CTNNA3: variants seen among roughly 807,000 people sequenced by gnomAD.
CTNNA3 encodes the protein catenin alpha-3.
Under a neutral mutation model 95.7 loss-of-function variants are expected in CTNNA3, and 76 were observed. That is an observed-to-expected ratio of 0.79 (90% confidence interval 0.66 to 0.96). The LOEUF (loss-of-function observed/expected upper bound fraction) is 0.96. CTNNA3 is among the 40% of genes least tolerant of loss of function. CTNNA3 has a pLI of 0.00. For missense variants in CTNNA3, 1,191 were observed against 1,089.8 expected (o/e 1.09, Z -1.31); for synonymous variants, 431 against 374.4 (o/e 1.15, Z -1.74).
intron 12 of CTNNA3, among the ~76,000 whole-genome samples, chr10:66,333,324 G>A (rs1288910067): frequency 6.6e-6 from 1 of 151,932 alleles, no homozygotes; most frequent in Non-Finnish European, 1.5e-5. Flanking sequence ...TGATGTTAGG[G>A]TGTCAATTTT....
intron 5 of CTNNA3, among the ~76,000 whole-genome samples, chr10:67,427,241 A>C (rs1845952452): frequency 6.6e-6 from 1 of 151,988 alleles, no homozygotes; most frequent in Non-Finnish European, 1.5e-5. Context: ...TTTCTCCAAC[A>C]GTCCTCACTC....
intron 9 of CTNNA3, among the ~76,000 whole-genome samples, chr10:66,704,376 C>A (rs1039587634): frequency 2.0e-5 from 3 of 152,062 alleles, no homozygotes; most frequent in African/African-American, 7.2e-5. Flanking sequence ...ATACTGATAT[C>A]ACAGAGGGAA....
intron 14 of CTNNA3, among the ~76,000 whole-genome samples, chr10:66,080,414 T>G (rs1028741289): frequency 6.6e-5 from 10 of 152,190 alleles, no homozygotes; most frequent in Admixed American, 3.3e-4. Context: ...CACTTATATA[T>G]GTCATTTGTG....
At chr10:66,800,204 C>A (rs751200554) in intron 7 of CTNNA3, among the ~76,000 whole-genome samples, 1 of 151,118 alleles carries the variant, frequency 6.6e-6, no homozygotes, top group Non-Finnish European at 1.5e-5. Context: ...ATAATTTAAC[C>A]CATGTACTCT....
intron 3 of CTNNA3, among the ~76,000 whole-genome samples, chr10:67,592,631 A>C (rs1670505921): frequency 6.6e-6 from 1 of 152,158 alleles, no homozygotes; most frequent in South Asian, 2.1e-4. Flanking sequence ...AACCTCTCCA[A>C]CTTGCTTTAA....
intron 4 of CTNNA3, among the ~76,000 whole-genome samples, chr10:67,532,188 G>A (rs73268114): frequency 2.0e-5 from 3 of 151,942 alleles, no homozygotes; most frequent in African/African-American, 7.3e-5. Context: ...ATCTTAATAT[G>A]CTTTTACATA....
At chr10:67,658,186 T>C (rs979614059) in intron 1 of CTNNA3, among the ~76,000 whole-genome samples, 1 of 152,230 alleles carries the variant, frequency 6.6e-6, no homozygotes, top group African/African-American at 2.4e-5. Context: ...CGCTGGTGAC[T>C]TTAGATAAAT....
chr10:67,380,163 G>A (rs1455146646), intron 5 of CTNNA3, among the ~76,000 whole-genome samples: 1 of 152,092 alleles, frequency 6.6e-6, no homozygotes, highest in Non-Finnish European at 1.5e-5. Context: ...GAAATAAGAG[G>A]AATCTGAGAG....
At chr10:66,752,338 C>A (rs533930124) in intron 9 of CTNNA3, among the ~76,000 whole-genome samples, 18 of 152,172 alleles carry the variant, frequency 1.2e-4, no homozygotes, top group African/African-American at 4.3e-4. Context: ...ATTTAATAGA[C>A]AAATGATAAT....
chr10:66,633,401 C>A (rs1389888879), intron 9 of CTNNA3, among the ~76,000 whole-genome samples: 1 of 152,126 alleles, frequency 6.6e-6, no homozygotes, highest in Non-Finnish European at 1.5e-5. Context: ...ACTTACATGA[C>A]CAGGTGCAGT....
intron 7 of CTNNA3, among the ~76,000 whole-genome samples, chr10:66,958,695 C>A (rs1848962243): frequency 6.6e-6 from 1 of 152,094 alleles, no homozygotes; most frequent in African/African-American, 2.4e-5. Context: ...AATTCCAGCA[C>A]CAGAGCCAAA....
Position 66,454,514 on chromosome 10 carries a change from C to G in CTNNA3, c.1531+66103G>C, listed in dbSNP as rs1386079039. On this transcript the variant is annotated intron_variant, in intron 11 of 17. Transcript: ENST00000433211. ...AAAAGAACCAAACACTTTAAAGACA[C>G]AGATTACCAAAATTCAATTAAGAAG... 2.0e-5 allele frequency among the ~76,000 whole-genome samples: 3 copies of G among 151,986 alleles called. No individual in the cohort carries two copies. The East Asian group carries it at 5.8e-4, about 29-fold the overall frequency.
At chr10:67,180,567 C>T (rs1376853811) in intron 6 of CTNNA3, 47 bp from the exon 7 acceptor site, 2 of 1,458,572 alleles carry the variant, frequency 1.4e-6, no homozygotes, top group South Asian at 1.2e-5. Context: ...TGGCATTTCA[C>T]TTTTATGAAA....
intron 5 of CTNNA3, among the ~76,000 whole-genome samples, chr10:67,222,219 G>A (rs530310763): frequency 5.9e-5 from 9 of 152,290 alleles, no homozygotes; most frequent in African/African-American, 2.2e-4. Context: ...GTTACAAAAT[G>A]TAGGGAGGAC....
intron 1 of CTNNA3, 89 bp from the exon 2 acceptor site, chr10:67,647,607 TG>T: frequency 1.0e-6 from 1 of 996,958 alleles, no homozygotes; most frequent in Non-Finnish European, 1.5e-6. Context: ...AGGTAAAACT[TG>T]TATTCAGCAC....
intron 7 of CTNNA3, among the ~76,000 whole-genome samples, chr10:66,840,383 C>T (rs952577593): frequency 7.0e-6 from 1 of 143,134 alleles, no homozygotes. Flanking sequence ...CACACACACA[C>T]ACACACACAC....
At chr10:66,611,389 C>G (rs539241264) in intron 10 of CTNNA3, among the ~76,000 whole-genome samples, 1 of 151,828 alleles carries the variant, frequency 6.6e-6, no homozygotes, top group East Asian at 1.9e-4. Flanking sequence ...ATCATATGTA[C>G]CCCCAAAATA....
intron 7 of CTNNA3, among the ~76,000 whole-genome samples, chr10:66,812,431 A>G (rs1469715982): frequency 6.6e-6 from 1 of 152,164 alleles, no homozygotes; most frequent in Non-Finnish European, 1.5e-5. Context: ...TCATTAAGCA[A>G]GAGAGAGTGA....
chr10:66,817,245 A>C (rs545054387), intron 7 of CTNNA3, among the ~76,000 whole-genome samples: 3 of 152,044 alleles, frequency 2.0e-5, no homozygotes, highest in African/African-American at 7.2e-5. Context: ...AACACATCCA[A>C]ATTTTTTAAA....
Sources: gnomAD v4.1 joint callset for allele counts (sites outside exome capture counted in the v4.1 genomes callset) on GRCh38, gnomAD v4.1.1 for gene constraint, MANE v1.5 for transcripts, NCBI Gene and HGNC (gene_info 2026-07-23, HGNC 2026-07-21) for gene names.